PIEZO2: variants seen among roughly 807,000 people sequenced by gnomAD.
The protein encoded by PIEZO2 is piezo type mechanosensitive ion channel component 2.
In PIEZO2, 172 loss-of-function variants were observed where a neutral mutation model predicts 337.3. The observed-to-expected ratio is 0.51, with a 90% CI of 0.45 to 0.58. PIEZO2 has a LOEUF of 0.58. Among genes scored for constraint, PIEZO2 ranks in the 20% least tolerant of loss-of-function variants. The probability of loss-of-function intolerance (pLI) is 0.00; values close to 1 mark genes in which losing one functional copy is unlikely to be tolerated. For synonymous variants in PIEZO2, 1,251 were observed against 1,228.5 expected, an observed-to-expected ratio of 1.02 and a Z score of -0.38; for missense variants, 3,028 against 3,391.3, an observed-to-expected ratio of 0.89 and a Z score of 2.66.
At position 10,670,890 on chromosome 18, in the gene PIEZO2, T is replaced by C. The variant is rs2033741716; in HGVS notation, c.*637A>G. On this transcript the variant is annotated 3_prime_UTR_variant, in exon 56 of 56. Transcript: ENST00000674853. The stretch of plus-strand genomic sequence containing the variant: ...TTCCTGAGAAGTCACTGGTGTTTAA[T>C]GGAAAGGTATCCTATTAGTCCTTGG... 1 of 152,370 alleles carries C rather than the reference T, an allele frequency of 6.6e-6. No individual in the cohort carries two copies. The highest frequency in any genetic ancestry group is 6.6e-5 in the Admixed American group (1 of 15,246). 9.4% of individuals were successfully genotyped at this position (152,370 alleles called of 1,614,324 possible). A position where few individuals can be genotyped will look rare whatever the true frequency, so the allele number is the denominator to read the frequency against.
chr18:10,884,298 A>G (rs923572007), intron 4 of PIEZO2, among the ~76,000 whole-genome samples: 2 of 152,156 alleles, frequency 1.3e-5, no homozygotes, highest in African/African-American at 4.8e-5. Flanking sequence ...TTATTCATCC[A>G]TTGATGGACA....
intron 30 of PIEZO2, among the ~76,000 whole-genome samples, chr18:10,744,557 G>A (rs182714986): frequency 6.6e-6 from 1 of 152,330 alleles, no homozygotes; most frequent in African/African-American, 2.4e-5. Flanking sequence ...TTAGACTTCA[G>A]TAAAGCATTC....
At position 10,758,059 on chromosome 18, in the gene PIEZO2, A is replaced by T; in HGVS notation, c.3833T>A (p.Ile1278Asn). Residue 1278 changes from isoleucine (I) to asparagine (N), a missense_variant, in exon 27 of 56, where the codon ATC becomes AAC. This residue lies in a region of PIEZO2 where 1,925 missense variants were observed against 2,051.9 expected (regional missense o/e 0.94). Coordinates refer to ENST00000674853, the MANE Select transcript of PIEZO2 (RefSeq NM_001378183.1). ...FEDENKAAVR[I>N]MAGDNVEICM... ...GATCTCGACATTGTCACCTGCCATGATTCGCACTGCAGCCTTGTTCTCATC... is the reference window on the plus strand; with the variant it reads ...GATCTCGACATTGTCACCTGCCATGTTTCGCACTGCAGCCTTGTTCTCATC... The T allele has an allele frequency of 6.5e-7, 1 of 1,537,508 alleles. No homozygotes were observed. The highest frequency in any genetic ancestry group is 8.7e-7 in the Non-Finnish European group (1 of 1,146,850).
intron 21 of PIEZO2, among the ~76,000 whole-genome samples, chr18:10,764,254 T>C (rs1018786444): frequency 6.6e-6 from 1 of 152,216 alleles, no homozygotes; most frequent in Non-Finnish European, 1.5e-5. Context: ...AATAATAGCA[T>C]GCTCTCATTT....
intron 47 of PIEZO2, among the ~76,000 whole-genome samples, chr18:10,694,989 G>T (rs1052704673): frequency 6.6e-6 from 1 of 152,222 alleles, no homozygotes; most frequent in African/African-American, 2.4e-5. Context: ...AAGAGTTATA[G>T]TTTGCTTGTG....
chr18:11,049,722 T>C (rs781593042), intron 2 of PIEZO2, among the ~76,000 whole-genome samples: 1 of 152,194 alleles, frequency 6.6e-6, no homozygotes, highest in Non-Finnish European at 1.5e-5. Context: ...TTTCCCCTTT[T>C]GCTTGGCTCT....
In PIEZO2 at chr18:11,066,057, T is replaced by A. The variant is rs548707849; in HGVS notation, c.160+70A>T. 8.5e-6 allele frequency: 11 copies of A among 1,297,502 alleles called. No individual in the cohort carries two copies. The South Asian group carries it at 1.3e-4, about 16-fold the overall frequency. 80.4% of individuals were successfully genotyped at this position (1,297,502 alleles called of 1,614,324 possible). A position where few individuals can be genotyped will look rare whatever the true frequency, so the allele number is the denominator to read the frequency against. ...CATCTCTGCCATTAGATAAAGGCCA[T>A]CCCAAGGAGCCCAGCAAAATACATT... On this transcript the variant is annotated intron_variant, in intron 2 of 55. Coordinates refer to ENST00000674853, the MANE Select transcript of PIEZO2 (RefSeq NM_001378183.1).
intron 14 of PIEZO2, among the ~76,000 whole-genome samples, chr18:10,790,041 G>C (rs889415769): frequency 3.3e-5 from 5 of 152,144 alleles, no homozygotes; most frequent in African/African-American, 1.2e-4. Context: ...ACAACTAGTA[G>C]ATTCACAGTG....
intron 31 of PIEZO2, among the ~76,000 whole-genome samples, chr18:10,743,397 C>G (rs1484501604): frequency 6.6e-6 from 1 of 152,072 alleles, no homozygotes; most frequent in Non-Finnish European, 1.5e-5. Flanking sequence ...CCTTTTAAAC[C>G]TGGTCCCCAA....
intron 13 of PIEZO2, among the ~76,000 whole-genome samples, chr18:10,792,486 G>A (rs2039439455): frequency 6.6e-6 from 1 of 152,062 alleles, no homozygotes; most frequent in Non-Finnish European, 1.5e-5. Context: ...TGTCTCTATA[G>A]ATTTGCCTAA....
chr18:10,909,302 G>C (rs149318883), intron 4 of PIEZO2, among the ~76,000 whole-genome samples: 1 of 152,254 alleles, frequency 6.6e-6, no homozygotes, highest in Non-Finnish European at 1.5e-5. Context: ...GGTTTCTTCA[G>C]AAGTCAATGA....
At chr18:10,896,327 A>T (rs1046112209) in intron 4 of PIEZO2, among the ~76,000 whole-genome samples, 2 of 152,058 alleles carry the variant, frequency 1.3e-5, no homozygotes, top group Non-Finnish European at 2.9e-5. Context: ...AGGCCTGACC[A>T]TTGGGTTTCA....
intron 7 of PIEZO2, among the ~76,000 whole-genome samples, chr18:10,811,355 T>A (rs920774893): frequency 1.3e-5 from 2 of 152,160 alleles, no homozygotes; most frequent in African/African-American, 4.8e-5. Context: ...TCTAACGCCT[T>A]CCAAAAAGGG....
intron 2 of PIEZO2, among the ~76,000 whole-genome samples, chr18:11,061,960 G>C (rs1197890810): frequency 6.6e-6 from 1 of 152,110 alleles, no homozygotes; most frequent in Non-Finnish European, 1.5e-5. Flanking sequence ...AGTCAATCCT[G>C]AGCCAAAAGA....
In PIEZO2 at chr18:10,724,650, T is replaced by A; in HGVS notation, c.5030-6391A>T. 2.6e-6 allele frequency: 2 copies of A among 779,638 alleles called. No individual in the cohort carries two copies. Among genetic ancestry groups the A allele is most frequent in the Non-Finnish European group, 4.3e-6 (2 of 469,032 alleles). 48.3% of individuals were successfully genotyped at this position (779,638 alleles called of 1,614,324 possible). The stretch of plus-strand genomic sequence containing the variant: ...TGGACTCGGGGTCTCAGGCGTATGA[T>A]CAGGCACCCACCAGCCCACCTACCA... On this transcript the variant is annotated intron_variant, in intron 36 of 55. Transcript: ENST00000674853. The surrounding 1 kb of genome is among the most constrained non-coding windows in gnomAD (Gnocchi z 5.8).
chr18:10,905,005 AG>A (rs1182782474), intron 4 of PIEZO2, among the ~76,000 whole-genome samples: 1 of 152,232 alleles, frequency 6.6e-6, no homozygotes, highest in Non-Finnish European at 1.5e-5. Context: ...AAATGTTCAA[AG>A]AAGAGAATAA....
In PIEZO2 at chr18:10,758,290, G is replaced by A. The variant is rs147821716; in HGVS notation, c.3758-156C>T. ...AAAATTCATCCTGGAGTCCAATGTCGGGGCCAAGTCACACCTTCTCCACCT... is the reference window on the plus strand; with the variant it reads ...AAAATTCATCCTGGAGTCCAATGTCAGGGCCAAGTCACACCTTCTCCACCT... On this transcript the variant is annotated intron_variant, in intron 26 of 55. Transcript: ENST00000674853. 2.9e-4 allele frequency among the ~76,000 whole-genome samples: 44 copies of A among 152,232 alleles called. No individual in the cohort carries two copies. In the East Asian group the frequency reaches 7.5e-3, roughly 26 times the overall value.
intron 2 of PIEZO2, among the ~76,000 whole-genome samples, chr18:11,034,365 GGCTCACTGCAA>G (rs1449202256): frequency 4.6e-5 from 7 of 151,060 alleles, no homozygotes; most frequent in African/African-American, 1.7e-4. Flanking sequence ...GTGCGATCTC[GGCTCACTGCAA>G]GCTCCGCCTC....
intron 39 of PIEZO2, among the ~76,000 whole-genome samples, chr18:10,714,290 A>G (rs2035928859): frequency 6.6e-6 from 1 of 152,208 alleles, no homozygotes; most frequent in Non-Finnish European, 1.5e-5. Flanking sequence ...ACAATAGTAA[A>G]CTCAGAGAAG....
Sources: gnomAD v4.1 joint callset for allele counts (sites outside exome capture counted in the v4.1 genomes callset) on GRCh38, gnomAD v4.1.1 for gene constraint, gnomAD v4.1.1 regional missense constraint, Gnocchi (gnomAD v3.1) non-coding constraint, MANE v1.5 for transcripts, NCBI Gene and HGNC (gene_info 2026-07-23, HGNC 2026-07-21) for gene names.